The following DTWD2 variants were observed in gnomAD, a reference collection of about 807,000 sequenced individuals.
The protein encoded by DTWD2 is tRNA-uridine aminocarboxypropyltransferase 2.
DTWD2 carries 39 observed loss-of-function variants against 31.8 expected under a neutral mutation model. The observed-to-expected ratio is 1.22, with a 90% CI of 0.95 to 1.60. The LOEUF (loss-of-function observed/expected upper bound fraction) is 1.60, where lower values mean the gene tolerates loss of function less well. Ranked by LOEUF, DTWD2 falls within the 40% of genes most tolerant of loss-of-function variation. DTWD2 has a pLI of 0.00. For missense variants in DTWD2, 515 were observed against 381.5 expected (o/e 1.35, Z -2.92); for synonymous variants, 180 against 142.8 (o/e 1.26, Z -1.86).
chr5:118,945,690 A>G (rs547158773), intron 1 of DTWD2, among the ~76,000 whole-genome samples: 1 of 151,464 alleles, frequency 6.6e-6, no homozygotes, highest in Non-Finnish European at 1.5e-5. Context: ...GCTTGAACCC[A>G]GGAGATGGAG....
chr5:118,985,188 G>A (rs777891637), intron 1 of DTWD2, among the ~76,000 whole-genome samples: 27 of 151,582 alleles, frequency 1.8e-4, no homozygotes, highest in Admixed American at 9.2e-4. Context: ...CTAAACTCTC[G>A]TACATACTGT....
Position 118,840,972 on chromosome 5 carries a change from T to C in DTWD2, c.842A>G (p.Lys281Arg). Reference sequence around the variant, plus strand: ...CATTTTCCTGAGTTTGCGTTTGTTCTTTGGCATTGGTTTAGGATATAATCC... The same window carrying C: ...CATTTTCCTGAGTTTGCGTTTGTTCCTTGGCATTGGTTTAGGATATAATCC... ...KNGLYPKPMP[K>R]NKRKLRKMEL... The change falls in exon 6 of 6, where the codon AAG becomes AGG. Residue 281 changes from lysine (K) to arginine (R), a missense_variant. Lys to Arg is a conservative substitution (Grantham distance 26, BLOSUM62 2). Coordinates refer to ENST00000510708, the MANE Select transcript of DTWD2 (RefSeq NM_173666.4). The C allele has an allele frequency of 6.2e-7, 1 of 1,613,858 alleles. No individual in the cohort carries two copies. The highest frequency in any genetic ancestry group is 8.5e-7 in the Non-Finnish European group (1 of 1,179,834).
intron 4 of DTWD2, among the ~76,000 whole-genome samples, chr5:118,883,792 T>C (rs1020384987): frequency 6.6e-6 from 1 of 152,158 alleles, no homozygotes; most frequent in African/African-American, 2.4e-5. Context: ...CAATTGGAGA[T>C]GAGATTTGGG....
rs554114902 is a variant in DTWD2, at chr5:118,973,903, C to T, written c.218+14391G>A. 72 of 1,607,518 alleles carry T rather than the reference C, an allele frequency of 4.5e-5. 1 individual carries two copies. In the South Asian group the frequency reaches 5.1e-4, roughly 11 times the overall value. ...AAAATGGAAGAGACGCCCCTGCTAA[C>T]GGGAATGCTAATGAGGAAAATGGGG... is the stretch of plus-strand genomic sequence containing the variant. On this transcript the variant is annotated intron_variant, in intron 1 of 5. Transcript: ENST00000510708.
intron 2 of DTWD2, among the ~76,000 whole-genome samples, chr5:118,941,513 A>C (rs1205470759): frequency 2.6e-5 from 4 of 152,110 alleles, no homozygotes; most frequent in Admixed American, 1.3e-4. Context: ...TGAACTCATC[A>C]TTTTTTATGG....
intron 1 of DTWD2, among the ~76,000 whole-genome samples, chr5:118,960,871 A>T (rs1335735139): frequency 6.6e-6 from 1 of 152,158 alleles, no homozygotes; most frequent in African/African-American, 2.4e-5. Context: ...GGAGCTAAAC[A>T]CTGAGTACAC....
chr5:118,930,823 G>C (rs753050832), intron 3 of DTWD2, among the ~76,000 whole-genome samples: 1 of 152,124 alleles, frequency 6.6e-6, no homozygotes, highest in Non-Finnish European at 1.5e-5. Context: ...TAGAAACACA[G>C]AGTAGACTAG....
At chr5:118,910,882 A>T (rs1753443352) in intron 4 of DTWD2, among the ~76,000 whole-genome samples, 1 of 152,108 alleles carries the variant, frequency 6.6e-6, no homozygotes, top group Admixed American at 6.5e-5. Context: ...TGTGCTCTCA[A>T]ATGGGGGAAG....
intron 3 of DTWD2, among the ~76,000 whole-genome samples, chr5:118,938,812 A>G (rs1754110348): frequency 6.6e-6 from 1 of 150,506 alleles, no homozygotes; most frequent in Admixed American, 6.6e-5. Context: ...CCCTACCAAA[A>G]AAAAAAAAAA....
rs371128263 is a variant in DTWD2 at position 118,849,260 on chromosome 5, C to G, written c.598-1042G>C. ...CAAAAGTATACATTTATGTGGCCAA[C>G]AAACATAAGAAAAAAATCTCATCAT... On this transcript the variant is annotated intron_variant, in intron 4 of 5. Coordinates refer to ENST00000510708, the MANE Select transcript of DTWD2 (RefSeq NM_173666.4). 2.6e-5 allele frequency among the ~76,000 whole-genome samples: 4 copies of G among 152,202 alleles called. No individual in the cohort carries two copies. In the South Asian group the frequency reaches 6.2e-4, roughly 24 times the overall value.
At chr5:118,893,776 C>A (rs1262260766) in intron 4 of DTWD2, among the ~76,000 whole-genome samples, 1 of 152,066 alleles carries the variant, frequency 6.6e-6, no homozygotes, top group Non-Finnish European at 1.5e-5. Flanking sequence ...GAGAGGACCA[C>A]AAGCCAAGGA....
At chr5:118,976,702 C>A (rs1008364472) in intron 1 of DTWD2, among the ~76,000 whole-genome samples, 1 of 152,292 alleles carries the variant, frequency 6.6e-6, no homozygotes, top group East Asian at 1.9e-4. Context: ...TAATTAATAG[C>A]CTACCAACCA....
intron 4 of DTWD2, among the ~76,000 whole-genome samples, chr5:118,855,452 T>C (rs1457567128): frequency 6.6e-6 from 1 of 152,022 alleles, no homozygotes; most frequent in Non-Finnish European, 1.5e-5. Flanking sequence ...CCCATTCCTG[T>C]TGATTGCAGG....
At position 118,934,272 on chromosome 5, in the gene DTWD2, TAAAAAAAAAAAAAAA is replaced by T. The variant is rs397999089; in HGVS notation, c.404+4909_404+4923del. ...CAACATAGTGAGACCTTGTCTCCAT[TAAAAAAAAAAAAAAA>T]AAAAAAAAAAAAAAGCAAAGAATAT... On this transcript the variant is annotated intron_variant, in intron 3 of 5. Transcript: ENST00000510708. Among the ~76,000 whole-genome samples the T allele has an allele frequency of 2.1e-4, 5 of 23,562 alleles. No homozygotes were observed. The South Asian group carries it at 9.6e-3, about 45-fold the overall frequency. The allele number at this position is 23,562 out of a possible 152,430, so 15.5% of individuals were successfully genotyped here.
chr5:118,973,099 G>C (rs189581181), intron 1 of DTWD2, among the ~76,000 whole-genome samples: 2,454 of 124,510 alleles, frequency 0.02, 24 homozygotes, highest in Non-Finnish European at 0.027. Flanking sequence ...TTTTTTTTTG[G>C]CTTTCCATTT....
intron 4 of DTWD2, among the ~76,000 whole-genome samples, chr5:118,857,139 TAA>T (rs892626409): frequency 8.6e-5 from 13 of 151,894 alleles, no homozygotes; most frequent in Admixed American, 6.6e-4. Flanking sequence ...ACACTTCCAT[TAA>T]AAAAAAGTTT....
At chr5:118,892,415 G>T (rs1167478018) in intron 4 of DTWD2, among the ~76,000 whole-genome samples, 1 of 152,038 alleles carries the variant, frequency 6.6e-6, no homozygotes, top group Non-Finnish European at 1.5e-5. Flanking sequence ...TAAAAACTAT[G>T]CCTGTTCACA....
rs1261803470 is a variant in DTWD2 at position 118,988,278 on chromosome 5, C to G, written c.218+16G>C. Reference sequence around the variant, plus strand: ...CCGCTGCCGGCTGCAGTCCCCGCCCCCAGCCCCGCGGTCACCTGCAGCGGG... The same window carrying G: ...CCGCTGCCGGCTGCAGTCCCCGCCCGCAGCCCCGCGGTCACCTGCAGCGGG... On this transcript the variant is annotated intron_variant, in intron 1 of 5. Coordinates refer to ENST00000510708, the MANE Select transcript of DTWD2 (RefSeq NM_173666.4). The G allele has an allele frequency of 1.3e-6, 2 of 1,526,304 alleles. No homozygotes were observed. The highest frequency in any genetic ancestry group is 2.0e-5 in the Admixed American group (1 of 49,752). The allele number at this position is 1,526,304 out of a possible 1,614,324, so 94.5% of individuals were successfully genotyped here. A position where few individuals can be genotyped will look rare whatever the true frequency, so the allele number is the denominator to read the frequency against.
chr5:118,842,825 T>C (rs966072780), intron 5 of DTWD2, among the ~76,000 whole-genome samples: 7 of 151,234 alleles, frequency 4.6e-5, no homozygotes, highest in African/African-American at 1.7e-4. Context: ...TGTGCACCTG[T>C]GGTCCCAGCT....
Sources: gnomAD v4.1 joint callset for allele counts (sites outside exome capture counted in the v4.1 genomes callset) on GRCh38, gnomAD v4.1.1 for gene constraint, MANE v1.5 for transcripts, NCBI Gene and HGNC (gene_info 2026-07-23, HGNC 2026-07-21) for gene names.